GRID2: variants seen among roughly 807,000 people sequenced by gnomAD.
GRID2 encodes the protein glutamate receptor ionotropic, delta-2.
In GRID2, 33 loss-of-function variants were observed where a neutral mutation model predicts 114.8. The ratio of observed to expected loss-of-function variants is 0.29; its 90% CI spans 0.22 to 0.38. The LOEUF (loss-of-function observed/expected upper bound fraction) is 0.38. GRID2 is among the 10% of genes least tolerant of loss of function. The pLI is 1.00. For synonymous variants in GRID2, 505 were observed against 449.9 expected (o/e 1.12, Z -1.55); for missense variants, 1,184 against 1,257.7 (o/e 0.94, Z 0.89).
At chr4:93,525,616 TATTA>T (rs1387830455) in intron 13 of GRID2, among the ~76,000 whole-genome samples, 4 of 152,206 alleles carry the variant, frequency 2.6e-5, no homozygotes, top group African/African-American at 4.8e-5. Context: ...AAACAGAATT[TATTA>T]ATTCTAAGAT....
chr4:93,709,117 A>G lies in GRID2; in HGVS notation c.2361-60093A>G, dbSNP rs540292537. On this transcript the variant is annotated intron_variant, in intron 14 of 15. Transcript: ENST00000282020. ...TTTCATCTTTCTACTCAAGATACAA[A>G]TAGTTTGTACACCACAAATACAGTG... is the stretch of plus-strand genomic sequence containing the variant. 5.3e-5 allele frequency among the ~76,000 whole-genome samples: 8 copies of G among 152,224 alleles called. 1 individual carries two copies. Among genetic ancestry groups the G allele is most frequent in the African/African-American group, 1.9e-4 (8 of 41,572 alleles).
chr4:93,591,383 G>A (rs1280477199), intron 13 of GRID2, among the ~76,000 whole-genome samples: 1 of 151,268 alleles, frequency 6.6e-6, no homozygotes, highest in African/African-American at 2.4e-5. Flanking sequence ...TATTGAACCA[G>A]CCTTGCATCC....
chr4:92,458,861 C>T (rs966805678), intron 1 of GRID2, among the ~76,000 whole-genome samples: 2 of 152,044 alleles, frequency 1.3e-5, no homozygotes, highest in African/African-American at 2.4e-5. Context: ...ATAAGGGTTA[C>T]GGCAGAAATA....
intron 2 of GRID2, among the ~76,000 whole-genome samples, chr4:92,738,350 C>T (rs560915777): frequency 8.1e-4 from 123 of 151,658 alleles, no homozygotes; most frequent in African/African-American, 2.8e-3. Context: ...AATAAGCTAA[C>T]TTTTAGCTTA....
intron 2 of GRID2, among the ~76,000 whole-genome samples, chr4:92,730,584 C>T (rs1339236966): frequency 6.6e-6 from 1 of 151,932 alleles, no homozygotes; most frequent in Non-Finnish European, 1.5e-5. Context: ...GCCATTTTTA[C>T]TCAGTCCATG....
intron 14 of GRID2, among the ~76,000 whole-genome samples, chr4:93,654,113 C>T (rs149989979): frequency 1.4e-4 from 21 of 152,232 alleles, no homozygotes; most frequent in Admixed American, 1.2e-3. Flanking sequence ...TAGTGGCCAG[C>T]CTTTTCATAT....
intron 1 of GRID2, among the ~76,000 whole-genome samples, chr4:92,316,515 G>C (rs1186800716): frequency 6.6e-6 from 1 of 152,162 alleles, no homozygotes; most frequent in Non-Finnish European, 1.5e-5. Context: ...ACCATAACGT[G>C]ACATTTTTGG....
At chr4:92,850,284 G>C (rs1743676770) in intron 2 of GRID2, among the ~76,000 whole-genome samples, 1 of 151,428 alleles carries the variant, frequency 6.6e-6, no homozygotes, top group South Asian at 2.1e-4. Context: ...AATTCATATT[G>C]TATGTTATAA....
At chr4:92,808,569 C>A (rs1740523637) in intron 2 of GRID2, among the ~76,000 whole-genome samples, 1 of 151,948 alleles carries the variant, frequency 6.6e-6, no homozygotes, top group African/African-American at 2.4e-5. Flanking sequence ...ACTTTCAAGT[C>A]AAAGTGAACT....
At chr4:92,909,865 A>C (rs545016966) in intron 2 of GRID2, among the ~76,000 whole-genome samples, 6 of 152,302 alleles carry the variant, frequency 3.9e-5, no homozygotes, top group Admixed American at 3.3e-4. Flanking sequence ...CAAAATAATA[A>C]ATTATAAATA....
chr4:93,759,245 G>A (rs1048670073), intron 14 of GRID2, among the ~76,000 whole-genome samples: 1 of 151,996 alleles, frequency 6.6e-6, no homozygotes, highest in Non-Finnish European at 1.5e-5. Context: ...CCGCGAACAG[G>A]GCTGATTTTG....
intron 1 of GRID2, among the ~76,000 whole-genome samples, chr4:92,399,636 GCTCTCT>G (rs749067156): frequency 0.012 from 1,736 of 141,862 alleles, 27 homozygotes; most frequent in African/African-American, 0.039. Context: ...AATAAAAGCA[GCTCTCT>G]CTCTCTCTCT....
chr4:92,479,235 A>G (rs1315146958), intron 1 of GRID2, among the ~76,000 whole-genome samples: 1 of 152,154 alleles, frequency 6.6e-6, no homozygotes, highest in Non-Finnish European at 1.5e-5. Flanking sequence ...ACGCTATGGA[A>G]ATAATTACAT....
At chr4:93,123,129 C>G (rs906733497) in intron 4 of GRID2, among the ~76,000 whole-genome samples, 1 of 151,954 alleles carries the variant, frequency 6.6e-6, no homozygotes, top group Non-Finnish European at 1.5e-5. Context: ...CAAATTACCG[C>G]TCTTGTGACC....
intron 2 of GRID2, among the ~76,000 whole-genome samples, chr4:92,868,066 T>TCTG (rs1560653255): frequency 2.5e-3 from 305 of 123,290 alleles, no homozygotes; most frequent in Admixed American, 3.7e-3. Context: ...CTTTCTTTCT[T>TCTG]TCTGTCTGTC....
chr4:92,805,660 C>T (rs1740374411), intron 2 of GRID2, among the ~76,000 whole-genome samples: 2 of 152,020 alleles, frequency 1.3e-5, no homozygotes, highest in Admixed American at 6.6e-5. Context: ...TTGCTTGGTG[C>T]AGTGGCTCAC....
chr4:93,557,260 A>G (rs1734412893), intron 13 of GRID2, among the ~76,000 whole-genome samples: 1 of 152,214 alleles, frequency 6.6e-6, no homozygotes, highest in Non-Finnish European at 1.5e-5. Flanking sequence ...TTAAATGTAA[A>G]TGGGCTAAAT....
At chr4:92,342,909 C>G (rs140898543) in intron 1 of GRID2, among the ~76,000 whole-genome samples, 2 of 152,008 alleles carry the variant, frequency 1.3e-5, no homozygotes, top group South Asian at 4.2e-4. Context: ...ATCTCGGTCC[C>G]GTGTGTTCAC....
At position 92,655,423 on chromosome 4, in the gene GRID2, TA is replaced by T. The variant is rs1436842882; in HGVS notation, c.244+65139del. Among the ~76,000 whole-genome samples, 12 of 152,020 alleles carry T rather than the reference TA, an allele frequency of 7.9e-5. No homozygotes were observed. In the East Asian group the frequency reaches 2.1e-3, roughly 27 times the overall value. On this transcript the variant is annotated intron_variant, in intron 2 of 15. Transcript: ENST00000282020. ...CTTTCTTCTTTGTTTTTATGAAAAA[TA>T]ACTTTTGTGTTTTGACAAGGATTGG...
Sources: gnomAD v4.1 joint callset for allele counts (sites outside exome capture counted in the v4.1 genomes callset) on GRCh38, gnomAD v4.1.1 for gene constraint, MANE v1.5 for transcripts, NCBI Gene and HGNC (gene_info 2026-07-23, HGNC 2026-07-21) for gene names.